Variants in DGKB observed in about 807,000 individuals in gnomAD.
The protein encoded by DGKB is 90 kDa diacylglycerol kinase.
Under a neutral mutation model 114.3 loss-of-function variants are expected in DGKB, and 67 were observed. The ratio of observed to expected loss-of-function variants is 0.59; its 90% CI spans 0.48 to 0.72. The LOEUF (loss-of-function observed/expected upper bound fraction) is 0.72, where lower values mean the gene tolerates loss of function less well. DGKB is among the 30% of genes least tolerant of loss of function. The pLI, the probability that DGKB is intolerant of heterozygous loss-of-function variation, is 0.00. For missense variants in DGKB, 907 were observed against 975.2 expected (o/e 0.93, Z 0.93); for synonymous variants, 398 against 323.1 (o/e 1.23, Z -2.49).
chr7:14,240,609 A>G (rs932299841), intron 23 of DGKB, among the ~76,000 whole-genome samples: 1 of 152,008 alleles, frequency 6.6e-6, no homozygotes, highest in Non-Finnish European at 1.5e-5. Flanking sequence ...AAACATCAGA[A>G]AGTGCTCCCT....
chr7:14,855,337 T>G (rs541501659), intron 1 of DGKB, among the ~76,000 whole-genome samples: 1 of 152,306 alleles, frequency 6.6e-6, no homozygotes, highest in Non-Finnish European at 1.5e-5. Flanking sequence ...AGACAAAATA[T>G]ATATCCCTTC....
chr7:14,313,591 G>C (rs566906320), intron 23 of DGKB, among the ~76,000 whole-genome samples: 1 of 152,138 alleles, frequency 6.6e-6, no homozygotes, highest in South Asian at 2.1e-4. Flanking sequence ...AAAAAACAGC[G>C]CACCACGAGA....
intron 20 of DGKB, among the ~76,000 whole-genome samples, chr7:14,484,853 T>C (rs1359086806): frequency 6.6e-6 from 1 of 152,128 alleles, no homozygotes; most frequent in East Asian, 1.9e-4. Flanking sequence ...ATACATGATA[T>C]AATGTTATAT....
At chr7:14,703,912 G>C (rs922940359) in intron 6 of DGKB, among the ~76,000 whole-genome samples, 1 of 152,090 alleles carries the variant, frequency 6.6e-6, no homozygotes, top group Non-Finnish European at 1.5e-5. Context: ...TTTTAAAAAT[G>C]AACTTACTAT....
At position 14,159,374 on chromosome 7, in the gene DGKB, A is replaced by G. The variant is rs182424597; in HGVS notation, c.2305-10136T>C. Among the ~76,000 whole-genome samples, 34 of 152,224 alleles carry G rather than the reference A, an allele frequency of 2.2e-4. No homozygotes were observed. In the East Asian group the frequency reaches 5.4e-3, roughly 24 times the overall value. ...TGAAAGCCTTCCTGGACCTTCTACA[A>G]CAAGATCAAACACCTCTATTATACC... On this transcript the variant is annotated intron_variant, in intron 25 of 25. Transcript: ENST00000402815.
rs552145658 is a variant in DGKB at position 14,543,222 on chromosome 7, T to C, written c.1770+30990A>G. 8.5e-5 allele frequency among the ~76,000 whole-genome samples: 13 copies of C among 152,068 alleles called. No individual in the cohort carries two copies. In the South Asian group the frequency reaches 2.7e-3, roughly 32 times the overall value. On this transcript the variant is annotated intron_variant, in intron 20 of 25. Transcript: ENST00000402815. ...CCCCACACTTTCGGAGGTGGGAGGA[T>C]CGCTTGAGGCCAGGAGTTGGAGACC...
intron 23 of DGKB, among the ~76,000 whole-genome samples, chr7:14,320,375 C>A (rs758918495): frequency 6.6e-6 from 1 of 152,050 alleles, no homozygotes; most frequent in Non-Finnish European, 1.5e-5. Context: ...TTATAGAGTC[C>A]AAGTAGCACG....
At chr7:14,170,426 A>C (rs1780824088) in intron 25 of DGKB, among the ~76,000 whole-genome samples, 1 of 152,182 alleles carries the variant, frequency 6.6e-6, no homozygotes, top group Non-Finnish European at 1.5e-5. Flanking sequence ...AAACATGTAC[A>C]CATACAACAG....
intron 1 of DGKB, among the ~76,000 whole-genome samples, chr7:14,958,531 G>C (rs542806974): frequency 6.6e-6 from 1 of 150,450 alleles, no homozygotes; most frequent in Non-Finnish European, 1.5e-5. Context: ...CCTAAGCTTC[G>C]GGAAATTTCT....
intron 1 of DGKB, among the ~76,000 whole-genome samples, chr7:14,897,950 G>A (rs951412692): frequency 1.3e-5 from 2 of 151,962 alleles, no homozygotes; most frequent in African/African-American, 4.8e-5. Context: ...TATTATATTA[G>A]ACACTGTGTT....
At chr7:14,478,687 G>A (rs1186538908) in intron 20 of DGKB, among the ~76,000 whole-genome samples, 9 of 151,992 alleles carry the variant, frequency 5.9e-5, no homozygotes, top group Admixed American at 3.9e-4. Context: ...GTGTGAGTGT[G>A]CATGTCTAGT....
At chr7:14,522,418 G>A (rs1399405211) in intron 20 of DGKB, among the ~76,000 whole-genome samples, 1 of 152,044 alleles carries the variant, frequency 6.6e-6, no homozygotes, top group Non-Finnish European at 1.5e-5. Context: ...CAAATCCTTG[G>A]CTAGTCCACT....
intron 2 of DGKB, among the ~76,000 whole-genome samples, chr7:14,829,776 A>G (rs1323331619): frequency 6.6e-6 from 1 of 152,148 alleles, no homozygotes; most frequent in African/African-American, 2.4e-5. Flanking sequence ...ATCCTTCAAG[A>G]TGCCTTCACT....
At chr7:14,513,251 T>C (rs961588837) in intron 20 of DGKB, among the ~76,000 whole-genome samples, 12 of 152,058 alleles carry the variant, frequency 7.9e-5, no homozygotes, top group African/African-American at 2.9e-4. Flanking sequence ...TTTGACCATA[T>C]TCAGGTGTAT....
chr7:14,900,841 T>C (rs927814449), intron 1 of DGKB, among the ~76,000 whole-genome samples: 7 of 152,138 alleles, frequency 4.6e-5, no homozygotes, highest in Non-Finnish European at 8.8e-5. Context: ...TTATCAGTGC[T>C]CTTAACCTAA....
At chr7:14,903,036 C>T (rs1783374629), upstream of DGKB, 1 of 152,188 alleles carries the variant, frequency 6.6e-6, no homozygotes, top group Non-Finnish European at 1.5e-5. Context: ...CCCAGTCCTC[C>T]AGACTCCCAC....
chr7:14,580,771 T>C, intron 19 of DGKB, 91 bp downstream of exon 19: 1 of 850,538 alleles, frequency 1.2e-6, no homozygotes, highest in Non-Finnish European at 1.9e-6. Context: ...ACTGAAATCA[T>C]ATCGTTTTTG....
intron 2 of DGKB, among the ~76,000 whole-genome samples, chr7:14,765,602 T>G (rs954520420): frequency 6.6e-6 from 1 of 152,086 alleles, no homozygotes; most frequent in South Asian, 2.1e-4. Context: ...CACAAAATAT[T>G]TGTAAGAGTC....
At chr7:14,813,296 A>G (rs1311340274) in intron 2 of DGKB, among the ~76,000 whole-genome samples, 1 of 152,206 alleles carries the variant, frequency 6.6e-6, no homozygotes, top group Non-Finnish European at 1.5e-5. Flanking sequence ...TTTAATTTTT[A>G]CTTCAACTTC....
Sources: allele counts gnomAD v4.1 joint callset (sites outside exome capture counted in the v4.1 genomes callset), GRCh38; gene constraint gnomAD v4.1.1; transcripts MANE v1.5; gene names NCBI Gene and HGNC (gene_info 2026-07-23, HGNC 2026-07-21).